Variants in GFRA1 observed in about 807,000 individuals in gnomAD.
GFRA1 encodes GDNF family receptor alpha-1.
GFRA1 carries 16 observed loss-of-function variants against 51.6 expected under a neutral mutation model. The observed-to-expected ratio is 0.31, with a 90% CI of 0.21 to 0.47. The LOEUF is 0.47. GFRA1 is among the 20% of genes least tolerant of loss of function. The probability of loss-of-function intolerance (pLI) is 1.00; values close to 1 mark genes in which losing one functional copy is unlikely to be tolerated. For synonymous variants in GFRA1, 270 were observed against 241.3 expected, an observed-to-expected ratio of 1.12 and a Z score of -1.10; for missense variants, 530 against 594.3, an observed-to-expected ratio of 0.89 and a Z score of 1.13.
At chr10:116,182,545 C>T (rs758276615) in intron 5 of GFRA1, among the ~76,000 whole-genome samples, 9 of 152,194 alleles carry the variant, frequency 5.9e-5, no homozygotes, top group Admixed American at 6.5e-5. Context: ...CATTAAGGAA[C>T]TCCCTAGATG....
chr10:116,091,969 GAGA>G (rs1183484491), intron 8 of GFRA1, among the ~76,000 whole-genome samples: 2 of 152,202 alleles, frequency 1.3e-5, no homozygotes, highest in African/African-American at 4.8e-5. Flanking sequence ...CCCTGTGAGG[GAGA>G]AGTTTTCCAG....
intron 4 of GFRA1, among the ~76,000 whole-genome samples, chr10:116,256,944 C>T (rs934934742): frequency 6.9e-6 from 1 of 145,342 alleles, no homozygotes; most frequent in African/African-American, 2.5e-5. Context: ...GGCACCCACA[C>T]CTGAGCCACT....
At chr10:116,261,143 G>C (rs997095239) in intron 4 of GFRA1, among the ~76,000 whole-genome samples, 10 of 152,160 alleles carry the variant, frequency 6.6e-5, no homozygotes, top group South Asian at 2.1e-4. Context: ...GTATCCTAAG[G>C]GGGGAGCACA....
At chr10:116,269,425 C>CT (rs1427173615) in intron 4 of GFRA1, 78 bp downstream of exon 4, 1 of 845,348 alleles carries the variant, frequency 1.2e-6, no homozygotes, top group African/African-American at 1.7e-5. Context: ...CTTATATGCT[C>CT]TTTGAGAGCC....
chr10:116,212,231 C>A (rs1965245807), intron 4 of GFRA1, among the ~76,000 whole-genome samples: 2 of 151,998 alleles, frequency 1.3e-5, no homozygotes, highest in African/African-American at 4.8e-5. Context: ...AGGAAACACA[C>A]ATCTAGGGCC....
At chr10:116,068,192 C>T (rs1490848580) in intron 9 of GFRA1, among the ~76,000 whole-genome samples, 1 of 152,192 alleles carries the variant, frequency 6.6e-6, no homozygotes, top group East Asian at 1.9e-4. Context: ...ACTCAGCACT[C>T]CAGAGGCTTA....
chr10:116,081,400 A>G (rs1955844273), intron 9 of GFRA1, among the ~76,000 whole-genome samples: 3 of 152,246 alleles, frequency 2.0e-5, no homozygotes, highest in Non-Finnish European at 2.9e-5. Flanking sequence ...CAGATGTTCA[A>G]CAAGAATTTA....
At chr10:116,232,167 C>T (rs1164532519) in intron 4 of GFRA1, among the ~76,000 whole-genome samples, 1 of 152,288 alleles carries the variant, frequency 6.6e-6, no homozygotes, top group East Asian at 1.9e-4. Flanking sequence ...GATAGTTGGA[C>T]TCTGCAACCT....
chr10:116,183,699 C>T (rs1447026183), intron 5 of GFRA1, among the ~76,000 whole-genome samples: 1 of 152,166 alleles, frequency 6.6e-6, no homozygotes, highest in Non-Finnish European at 1.5e-5. Flanking sequence ...TTTGCTTCCT[C>T]CTCCTTCTCT....
At chr10:116,092,263 G>C (rs939682853) in intron 8 of GFRA1, among the ~76,000 whole-genome samples, 5 of 152,020 alleles carry the variant, frequency 3.3e-5, no homozygotes, top group African/African-American at 1.2e-4. Flanking sequence ...GAATCCAAAA[G>C]CTTGTTTTAT....
intron 6 of GFRA1, among the ~76,000 whole-genome samples, chr10:116,110,690 AG>A (rs1287132810): frequency 3.3e-5 from 5 of 152,206 alleles, no homozygotes; most frequent in African/African-American, 9.6e-5. Flanking sequence ...TGCCTGGCCC[AG>A]GGTTCAAAAG....
chr10:116,192,696 G>A (rs552260968), intron 5 of GFRA1, among the ~76,000 whole-genome samples: 3 of 152,260 alleles, frequency 2.0e-5, no homozygotes, highest in East Asian at 1.9e-4. Context: ...CCTCTTAAAA[G>A]TGTGGTTTCA....
intron 5 of GFRA1, among the ~76,000 whole-genome samples, chr10:116,146,265 A>C (rs10885865): frequency 0.33 from 49,776 of 151,962 alleles, 8,396 homozygotes; most frequent in East Asian, 0.4. Context: ...ACTCTCTTTA[A>C]GAAAAAGAAT....
intron 6 of GFRA1, among the ~76,000 whole-genome samples, chr10:116,120,199 CAT>C (rs1440088949): frequency 4.6e-5 from 7 of 152,194 alleles, no homozygotes; most frequent in Non-Finnish European, 1.0e-4. Context: ...GGACTGAGGA[CAT>C]AGAGCCGCTG....
rs149401348 is a variant in GFRA1 at position 116,101,615 on chromosome 10, T to A, written c.771-4851A>T. 3.4e-3 allele frequency among the ~76,000 whole-genome samples: 524 copies of A among 152,178 alleles called. 4 individuals are homozygous for A. Among genetic ancestry groups the A allele is most frequent in the African/African-American group, 0.012 (499 of 41,498 alleles). ...TGGTCTTCTGACAGTGGGGAGAAAA[T>A]TATTTACCTACTTTCTCTGCAACAG... On this transcript the variant is annotated intron_variant, in intron 6 of 10. Coordinates refer to ENST00000355422, the MANE Select transcript of GFRA1 (RefSeq NM_005264.8).
At chr10:116,205,555 C>A (rs1964668062) in intron 5 of GFRA1, among the ~76,000 whole-genome samples, 1 of 147,562 alleles carries the variant, frequency 6.8e-6, no homozygotes, top group Admixed American at 6.9e-5. Context: ...AGCCTGGCGA[C>A]AGAGCTAGAC....
chr10:116,119,169 C>T (rs1173727978), intron 6 of GFRA1, among the ~76,000 whole-genome samples: 1 of 152,164 alleles, frequency 6.6e-6, no homozygotes, highest in East Asian at 1.9e-4. Flanking sequence ...GAAGAGCCAG[C>T]AGGAAGGTGC....
intron 4 of GFRA1, among the ~76,000 whole-genome samples, chr10:116,237,633 GTTC>G (rs1215189691): frequency 4.0e-5 from 6 of 148,474 alleles, no homozygotes; most frequent in Non-Finnish European, 1.5e-5. Flanking sequence ...GATACTTCCT[GTTC>G]TTCTTCTCTA....
intron 6 of GFRA1, among the ~76,000 whole-genome samples, chr10:116,111,886 C>T (rs148984742): frequency 1.2e-4 from 18 of 152,182 alleles, no homozygotes; most frequent in South Asian, 2.1e-4. Flanking sequence ...CCCTTCCCCA[C>T]GAGGCTGGGC....
Sources: gnomAD v4.1 joint callset for allele counts (sites outside exome capture counted in the v4.1 genomes callset) on GRCh38, gnomAD v4.1.1 for gene constraint, MANE v1.5 for transcripts, NCBI Gene and HGNC (gene_info 2026-07-23, HGNC 2026-07-21) for gene names.